GPATCH11: variants seen among roughly 807,000 people sequenced by gnomAD.
GPATCH11 encodes G-patch domain containing 11.
In GPATCH11, 32 loss-of-function variants were observed where a neutral mutation model predicts 44.8. The ratio of observed to expected loss-of-function variants is 0.71; its 90% CI spans 0.54 to 0.96. The LOEUF is 0.96. GPATCH11 is among the 40% of genes least tolerant of loss of function. The probability of loss-of-function intolerance (pLI) is 0.00; values close to 1 mark genes in which losing one functional copy is unlikely to be tolerated. For missense variants in GPATCH11, 324 were observed against 303.1 expected (o/e 1.07, Z -0.51); for synonymous variants, 84 against 94.4 (o/e 0.89, Z 0.64).
intron 2 of GPATCH11, 36 bp downstream of exon 2, chr2:37,088,476 A>G (rs1673153191): frequency 5.2e-6 from 5 of 956,882 alleles, no homozygotes; most frequent in Non-Finnish European, 8.2e-6. Context: ...AATGATATGT[A>G]TAAGATGTGT....
At chr2:37,096,186 A>G (rs1169236575) in intron 8 of GPATCH11, 22 bp from the exon 9 acceptor site, 1 of 1,482,178 alleles carries the variant, frequency 6.7e-7, no homozygotes. Flanking sequence ...TTAATCTTTC[A>G]TTTCCCTCAC....
At chr2:37,095,628 A>G in intron 8 of GPATCH11, 110 bp downstream of exon 8, 3 of 1,209,142 alleles carry the variant, frequency 2.5e-6, no homozygotes, top group Non-Finnish European at 3.3e-6. Context: ...AAATGGCAGT[A>G]TGGGACCAAT....
At chr2:37,092,130 T>C (rs1270671129) in intron 5 of GPATCH11, 35 bp from the exon 6 acceptor site, 2 of 1,550,570 alleles carry the variant, frequency 1.3e-6, no homozygotes, top group East Asian at 2.3e-5. Flanking sequence ...AAAGATAACG[T>C]AGACCTTTAG....
At chr2:37,094,274 T>TG (rs879870537) in intron 7 of GPATCH11, 79 bp downstream of exon 7, 7 of 842,838 alleles carry the variant, frequency 8.3e-6, no homozygotes, top group Non-Finnish European at 1.4e-5. Flanking sequence ...AATCCGTTGT[T>TG]GTGGAGAGCT....
chr2:37,092,169 C>A lies in GPATCH11; in HGVS notation c.454C>A (p.Arg152=). The change falls in exon 6 of 9, where the codon CGA becomes AGA. Residue 152 remains arginine, a synonymous_variant. Transcript: ENST00000674370. ...EEKAAEQFRM[R]LKNKQDEMKL... Reference sequence around the variant, plus strand: ...ACAATTTTTTCTTTCAATTAGAATGCGACTTAAAAATAAGCAAGATGAAAT... The same window carrying A: ...ACAATTTTTTCTTTCAATTAGAATGAGACTTAAAAATAAGCAAGATGAAAT... 1 of 1,545,326 alleles carries A rather than the reference C, an allele frequency of 6.5e-7. No individual in the cohort carries two copies.
In GPATCH11 at chr2:37,088,375, T is replaced by C. The variant is rs2148635889; in HGVS notation, c.-7T>C. On this transcript the variant is annotated 5_prime_UTR_variant, in exon 2 of 9. Coordinates refer to ENST00000674370, the MANE Select transcript of GPATCH11 (RefSeq NM_174931.4). ...ATTATTACTTTATTTGTAGATACTA[T>C]AGCCATATGAAGTTGAACATGGCAG... The C allele has an allele frequency of 6.7e-7, 1 of 1,493,048 alleles. No homozygotes were observed. The highest frequency in any genetic ancestry group is 9.2e-7 in the Non-Finnish European group (1 of 1,087,946). 92.5% of individuals were successfully genotyped at this position (1,493,048 alleles called of 1,614,324 possible). A position where few individuals can be genotyped will look rare whatever the true frequency, so the allele number is the denominator to read the frequency against.
chr2:37,089,761 G>A lies in GPATCH11; in HGVS notation c.181G>A (p.Glu61Lys), dbSNP rs1019221908. Residue 61 changes from glutamate to lysine, a missense_variant, in exon 3 of 9, where the codon GAA (glutamate) becomes AAA (lysine). Glu to Lys is a moderately conservative substitution (Grantham distance 56). Transcript: ENST00000674370. ...RQKSLKEEEQ[E>K]RRDIGLKNAL... ...GAAGAGTTTAAAAGAAGAAGAACAAGAAAGACGTGACATTGGGTTGAAGAA... is the reference window on the plus strand; with the variant it reads ...GAAGAGTTTAAAAGAAGAAGAACAAAAAAGACGTGACATTGGGTTGAAGAA... 6.4e-7 allele frequency: 1 copy of A among 1,551,818 alleles called. No individual in the cohort carries two copies. The highest frequency in any genetic ancestry group is 1.4e-5 in the African/African-American group (1 of 73,036).
chr2:37,097,172 T>C lies in GPATCH11; in HGVS notation c.*909T>C, dbSNP rs761201469. On this transcript the variant is annotated 3_prime_UTR_variant, in exon 9 of 9. Coordinates refer to ENST00000674370, the MANE Select transcript of GPATCH11 (RefSeq NM_174931.4). ...CTTACTGAATTTGGAAACCCCTTGA[T>C]AGCATTCCCAGCAAGTGATAGTTCA... is the stretch of plus-strand genomic sequence containing the variant. 2.0e-5 allele frequency: 3 copies of C among 152,218 alleles called. No individual in the cohort carries two copies. The highest frequency in any genetic ancestry group is 4.4e-5 in the Non-Finnish European group (3 of 68,026). 9.4% of individuals were successfully genotyped at this position (152,218 alleles called of 1,614,324 possible). A position where few individuals can be genotyped will look rare whatever the true frequency, so the allele number is the denominator to read the frequency against.
At chr2:37,088,336 TAA>T in intron 1 of GPATCH11, 31 bp from the exon 2 acceptor site, 20 of 976,606 alleles carry the variant, frequency 2.0e-5, no homozygotes, top group Non-Finnish European at 2.8e-5. Flanking sequence ...TCTGATAAAC[TAA>T]AAAAAAAAGT....
Position 37,089,574 on chromosome 2 carries a change from TAAAAAAA to T in GPATCH11, c.60-57_60-51del, listed in dbSNP as rs371385606. The T allele has an allele frequency of 7.8e-3, 7,460 of 960,852 alleles. 35 individuals are homozygous for T. Among genetic ancestry groups the T allele is most frequent in the Non-Finnish European group, 0.01 (6,860 of 682,276 alleles). The allele number at this position is 960,852 out of a possible 1,614,324, so 59.5% of individuals were successfully genotyped here. A position where few individuals can be genotyped will look rare whatever the true frequency, so the allele number is the denominator to read the frequency against. ...AAGAGCGAAACTCCGTCTCAAAAAATAAAAAAAAAAAAAAAGAAAAGAAAACTTTATG... is the reference window on the plus strand; with the variant it reads ...AAGAGCGAAACTCCGTCTCAAAAAATAAAAAAAAGAAAAGAAAACTTTATG... On this transcript the variant is annotated intron_variant, in intron 2 of 8. Coordinates refer to ENST00000674370, the MANE Select transcript of GPATCH11 (RefSeq NM_174931.4).
chr2:37,090,888 T>C (rs1391537216), intron 4 of GPATCH11, among the ~76,000 whole-genome samples, 166 bp downstream of exon 4: 1 of 152,222 alleles, frequency 6.6e-6, no homozygotes, highest in Non-Finnish European at 1.5e-5. Context: ...AAATAAGTTT[T>C]AGTGAGTATA....
Position 37,088,438 on chromosome 2 carries a change from C to G in GPATCH11, c.57C>G (p.Val19=). 2.0e-6 allele frequency: 3 copies of G among 1,527,850 alleles called. No homozygotes were observed. The highest frequency in any genetic ancestry group is 2.7e-6 in the Non-Finnish European group (3 of 1,107,720). The allele number at this position is 1,527,850 out of a possible 1,614,324, so 94.6% of individuals were successfully genotyped here. Residue 19 remains valine, a splice_region_variant and synonymous_variant, in exon 2 of 9, where the codon GTC becomes GTG. Coordinates refer to ENST00000674370, the MANE Select transcript of GPATCH11 (RefSeq NM_174931.4). ...EDYMSDSFIN[V]QEDIRPGLPM... is the part of the protein sequence containing the mutation. ...ATATGTCTGATTCCTTCATTAATGT[C>G]CAGTAAGTAAATGTGCACACCCAGT...
At position 37,095,494 on chromosome 2, in the gene GPATCH11, A is replaced by G; in HGVS notation, c.712A>G (p.Ile238Val). 6.2e-7 allele frequency: 1 copy of G among 1,605,482 alleles called. No homozygotes were observed. Among genetic ancestry groups the G allele is most frequent in the Non-Finnish European group, 8.5e-7 (1 of 1,176,668 alleles). The change falls in exon 8 of 9, where the codon ATT becomes GTT. Residue 238 changes from isoleucine to valine, a missense_variant. Coordinates refer to ENST00000674370, the MANE Select transcript of GPATCH11 (RefSeq NM_174931.4). ...SYLREEHLYC[I>V]WCGTAYEDKE... ...TTTAAGAGAAGAACATCTATATTGT[A>G]TTTGGTGTGGAACAGCCTATGAAGG...
At position 37,097,305 on chromosome 2, in the gene GPATCH11, C is replaced by T. The variant is rs1261996929; in HGVS notation, c.*1042C>T. 3 of 152,096 alleles carry T rather than the reference C, an allele frequency of 2.0e-5. No homozygotes were observed. The highest frequency in any genetic ancestry group is 6.6e-5 in the Admixed American group (1 of 15,264). The allele number at this position is 152,096 out of a possible 1,614,324, so 9.4% of individuals were successfully genotyped here. On this transcript the variant is annotated 3_prime_UTR_variant, in exon 9 of 9. Coordinates refer to ENST00000674370, the MANE Select transcript of GPATCH11 (RefSeq NM_174931.4). ...TTGTTTTCTCTTAAACTGAAATCTG[C>T]TTCCCTGTAATATTAATGAATACAG...
Position 37,091,879 on chromosome 2 carries a change from T to C in GPATCH11, c.329-37T>C, listed in dbSNP as rs1170104295. The stretch of plus-strand genomic sequence containing the variant: ...AATCGTCTTGTTTTGAAGCACAAAG[T>C]CAGGATGTTTCTCATCAGAATTTTC... On this transcript the variant is annotated intron_variant, in intron 4 of 8. Coordinates refer to ENST00000674370, the MANE Select transcript of GPATCH11 (RefSeq NM_174931.4). 8.8e-6 allele frequency: 14 copies of C among 1,590,210 alleles called. No individual in the cohort carries two copies. In the South Asian group the frequency reaches 1.2e-4, roughly 14 times the overall value.
chr2:37,093,958 G>C (rs1572983480), intron 6 of GPATCH11, 124 bp from the exon 7 acceptor site: 1 of 682,924 alleles, frequency 1.5e-6, no homozygotes, highest in Non-Finnish European at 2.6e-6. Flanking sequence ...CCCGGCCAGT[G>C]TTTTTACTCT....
chr2:37,087,809 T>C (rs767220440), intron 1 of GPATCH11, among the ~76,000 whole-genome samples: 31 of 152,328 alleles, frequency 2.0e-4, no homozygotes, highest in Non-Finnish European at 4.3e-4. Context: ...TGTCAGATTA[T>C]GAAGGACAAC....
rs373053059 is a variant in GPATCH11, at chr2:37,091,912, A to G, written c.329-4A>G. On this transcript the variant is annotated splice_polypyrimidine_tract_variant and splice_region_variant and intron_variant, in intron 4 of 8. Transcript: ENST00000674370. ...TTTCTCATCAGAATTTTCTGTTTGA[A>G]TAGGGAAAAGTGGCATTGGTCATGA... 18 of 1,607,086 alleles carry G rather than the reference A, an allele frequency of 1.1e-5. No homozygotes were observed. In the African/African-American group the frequency reaches 2.1e-4, roughly 19 times the overall value.
chr2:37,084,958 G>C (rs1188358172), intron 1 of GPATCH11, among the ~76,000 whole-genome samples: 1 of 152,114 alleles, frequency 6.6e-6, no homozygotes, highest in African/African-American at 2.4e-5. Context: ...GCGTTATCTT[G>C]ACATCGTTCT....
Sources: gnomAD v4.1 joint callset for allele counts (sites outside exome capture counted in the v4.1 genomes callset) on GRCh38, gnomAD v4.1.1 for gene constraint, MANE v1.5 for transcripts, NCBI Gene and HGNC (gene_info 2026-07-23, HGNC 2026-07-21) for gene names.